The following SGMS1 variants were observed in gnomAD, a reference collection of about 807,000 sequenced individuals.
SGMS1 encodes sphingomyelin synthase 1.
A neutral mutation model predicts 46.2 loss-of-function variants in SGMS1; 13 were observed. The observed-to-expected ratio is 0.28, with a 90% CI of 0.18 to 0.45. The LOEUF is 0.45. SGMS1 is among the 20% of genes least tolerant of loss of function. The pLI, the probability that SGMS1 is intolerant of heterozygous loss-of-function variation, is 1.00. For missense variants in SGMS1, 324 were observed against 519.9 expected (o/e 0.62, Z 3.66); for synonymous variants, 203 against 187.8 (o/e 1.08, Z -0.66).
intron 2 of SGMS1, among the ~76,000 whole-genome samples, chr10:50,555,424 C>A (rs1838182219): frequency 6.6e-6 from 1 of 152,288 alleles, no homozygotes; most frequent in Non-Finnish European, 1.5e-5. Context: ...CAGGGCAGGA[C>A]CTGGCTCACA....
At chr10:50,559,811 A>C (rs1272778736) in intron 2 of SGMS1, among the ~76,000 whole-genome samples, 1 of 152,212 alleles carries the variant, frequency 6.6e-6, no homozygotes, top group Non-Finnish European at 1.5e-5. Flanking sequence ...AGGAGTTTTT[A>C]AAAACAAAAT....
At chr10:50,422,999 A>G (rs1849275752) in intron 6 of SGMS1, among the ~76,000 whole-genome samples, 1 of 152,354 alleles carries the variant, frequency 6.6e-6, no homozygotes, top group Admixed American at 6.5e-5. Context: ...TAAATACTTT[A>G]TTAAAATTGC....
At chr10:50,537,504 C>T (rs1028528943) in intron 2 of SGMS1, among the ~76,000 whole-genome samples, 3 of 151,094 alleles carry the variant, frequency 2.0e-5, no homozygotes, top group African/African-American at 7.3e-5. Context: ...ATGTGCACAA[C>T]GTGCAGGTTT....
intron 5 of SGMS1, among the ~76,000 whole-genome samples, chr10:50,435,420 AG>A (rs1402213071): frequency 6.6e-6 from 1 of 152,208 alleles, no homozygotes; most frequent in Non-Finnish European, 1.5e-5. Context: ...TTAAATTCAC[AG>A]ACTCTTTCCT....
chr10:50,343,966 C>T lies in SGMS1; in HGVS notation c.149G>A (p.Cys50Tyr), dbSNP rs926365129. 1 of 1,614,180 alleles carries T rather than the reference C, an allele frequency of 6.2e-7. No homozygotes were observed. The highest frequency in any genetic ancestry group is 8.5e-7 in the Non-Finnish European group (1 of 1,180,036). ...CTGCCCATTGTCAGAGGAGACTCGG[C>T]ACAAGGGGGGTTTTTTGAAATCCTC... ...TQEDFKKPPL[C>Y]RVSSDNGQRL... Residue 50 changes from cysteine to tyrosine, a missense_variant, in exon 7 of 11, where the codon TGC (cysteine) becomes TAC (tyrosine). Around this residue, in one of 2 missense-constraint regions of SGMS1, gnomAD observed 150 missense variants for 169.8 expected, o/e 0.88. Coordinates refer to ENST00000361781, the MANE Select transcript of SGMS1 (RefSeq NM_147156.4).
chr10:50,330,755 T>C (rs529147330), intron 7 of SGMS1, among the ~76,000 whole-genome samples: 1 of 152,332 alleles, frequency 6.6e-6, no homozygotes, highest in South Asian at 2.1e-4. Flanking sequence ...AGAGCACATG[T>C]AACTAACACA....
intron 5 of SGMS1, among the ~76,000 whole-genome samples, chr10:50,434,659 A>C (rs1398830720): frequency 6.6e-6 from 1 of 151,120 alleles, no homozygotes; most frequent in Non-Finnish European, 1.5e-5. Context: ...GGCAGATCAC[A>C]GGGTCAGGAG....
intron 7 of SGMS1, among the ~76,000 whole-genome samples, chr10:50,333,470 C>T (rs1847659672): frequency 1.3e-5 from 2 of 152,160 alleles, no homozygotes; most frequent in African/African-American, 4.8e-5. Flanking sequence ...GCTGAGATTG[C>T]TCCATTATCC....
intron 6 of SGMS1, among the ~76,000 whole-genome samples, chr10:50,418,710 A>G (rs966329741): frequency 1.3e-5 from 2 of 152,246 alleles, no homozygotes; most frequent in Admixed American, 6.5e-5. Context: ...TTCGATTAGT[A>G]AAAGTTTTTG....
At chr10:50,618,572 C>A (rs1276926343) in intron 1 of SGMS1, among the ~76,000 whole-genome samples, 2 of 151,964 alleles carry the variant, frequency 1.3e-5, no homozygotes, top group African/African-American at 4.8e-5. Flanking sequence ...AAAAGAAAAC[C>A]CAATGAGATC....
intron 6 of SGMS1, among the ~76,000 whole-genome samples, chr10:50,370,395 T>G (rs1225268431): frequency 6.6e-6 from 1 of 151,696 alleles, no homozygotes; most frequent in Non-Finnish European, 1.5e-5. Context: ...TATAGGCTTT[T>G]TTCTATTTTT....
intron 2 of SGMS1, among the ~76,000 whole-genome samples, chr10:50,549,250 T>C (rs996412172): frequency 1.3e-5 from 2 of 152,228 alleles, no homozygotes; most frequent in Admixed American, 6.5e-5. Flanking sequence ...CACACGTACA[T>C]TCATTGCAGC....
chr10:50,589,993 A>G (rs1262410027), intron 2 of SGMS1, among the ~76,000 whole-genome samples, 160 bp downstream of exon 2: 1 of 152,256 alleles, frequency 6.6e-6, no homozygotes, highest in African/African-American at 2.4e-5. Context: ...CAGCTAAAAA[A>G]TGTACAAACC....
intron 9 of SGMS1, among the ~76,000 whole-genome samples, 199 bp downstream of exon 9, chr10:50,311,063 T>C (rs534810383): frequency 6.6e-6 from 1 of 152,182 alleles, no homozygotes; most frequent in Non-Finnish European, 1.5e-5. Flanking sequence ...CCAGGACACC[T>C]CGTCCTCAGG....
chr10:50,575,136 T>A (rs979979937), intron 2 of SGMS1, among the ~76,000 whole-genome samples: 1 of 151,916 alleles, frequency 6.6e-6, no homozygotes, highest in Non-Finnish European at 1.5e-5. Flanking sequence ...TATGGGCAGC[T>A]GTTGTTCTAT....
intron 3 of SGMS1, among the ~76,000 whole-genome samples, chr10:50,477,986 G>A (rs1042177879): frequency 6.6e-6 from 1 of 152,176 alleles, no homozygotes; most frequent in Non-Finnish European, 1.5e-5. Flanking sequence ...ATGCAAATCA[G>A]ACAGAGTGAT....
At chr10:50,378,742 T>C (rs1227143492) in intron 6 of SGMS1, among the ~76,000 whole-genome samples, 1 of 152,180 alleles carries the variant, frequency 6.6e-6, no homozygotes, top group Non-Finnish European at 1.5e-5. Context: ...TCACTACTAG[T>C]GTCTAGTGAA....
intron 1 of SGMS1, among the ~76,000 whole-genome samples, chr10:50,603,523 TA>T (rs1838667371): frequency 6.6e-6 from 1 of 152,164 alleles, no homozygotes; most frequent in South Asian, 2.1e-4. Context: ...GTAAATTCAG[TA>T]AATTTAAAAA....
intron 2 of SGMS1, among the ~76,000 whole-genome samples, chr10:50,583,626 G>C (rs1838455034): frequency 6.6e-6 from 1 of 152,190 alleles, no homozygotes; most frequent in African/African-American, 2.4e-5. Context: ...ATGTAGCCAA[G>C]ATGAATCCTC....
Sources: allele counts gnomAD v4.1 joint callset (sites outside exome capture counted in the v4.1 genomes callset), GRCh38; gene constraint gnomAD v4.1.1; regional missense constraint gnomAD v4.1.1; transcripts MANE v1.5; gene names NCBI Gene and HGNC (gene_info 2026-07-23, HGNC 2026-07-21).